The following ARHGAP42 variants were observed in gnomAD, a reference collection of about 807,000 sequenced individuals.
ARHGAP42 encodes the protein Rho GTPase activating protein 42, also known as rho GTPase-activating protein 42.
In ARHGAP42, 63 loss-of-function variants were observed where a neutral mutation model predicts 125.0. The ratio of observed to expected loss-of-function variants is 0.50; its 90% confidence interval spans 0.41 to 0.62. ARHGAP42 has a LOEUF of 0.62. Ranked by LOEUF, ARHGAP42 falls within the 20% of genes least tolerant of loss-of-function variation. The probability of loss-of-function intolerance (pLI) is 0.00; values close to 1 mark genes in which losing one functional copy is unlikely to be tolerated. For missense variants in ARHGAP42, 766 were observed against 1,024.2 expected, an observed-to-expected ratio of 0.75 and a Z score of 3.44; for synonymous variants, 339 against 351.0, an observed-to-expected ratio of 0.97 and a Z score of 0.38.
Position 100,976,965 on chromosome 11 carries a change from G to C in ARHGAP42, c.2387G>C (p.Gly796Ala), listed in dbSNP as rs1468758903. Residue 796 changes from glycine (G) to alanine (A), a missense_variant, in exon 21 of 24, where the codon GGC becomes GCC. By Grantham distance (60) the Gly-to-Ala change is moderately conservative. Coordinates refer to ENST00000298815, the MANE Select transcript of ARHGAP42 (RefSeq NM_152432.4). ...TCAAGCAATGGCTATCAGCGGCCTG[G>C]CTCAGTGTAAGTGAGCGTTTGTATA... Reference protein sequence around the residue: ...TASSNGYQRPGSVVAAKAQLF... With the variant: ...TASSNGYQRPASVVAAKAQLF... 11 of 1,551,176 alleles carry C rather than the reference G, an allele frequency of 7.1e-6. No homozygotes were observed. Among genetic ancestry groups the C allele is most frequent in the Non-Finnish European group, 7.0e-6 (8 of 1,146,770 alleles).
At chr11:100,822,751 C>T (rs192551074) in intron 3 of ARHGAP42, among the ~76,000 whole-genome samples, 1 of 151,910 alleles carries the variant, frequency 6.6e-6, no homozygotes, top group Non-Finnish European at 1.5e-5. Flanking sequence ...ACCCTTTTTT[C>T]CCACAGAGTG....
chr11:100,953,815 C>T (rs1038950800), intron 12 of ARHGAP42, among the ~76,000 whole-genome samples: 2 of 17,222 alleles, frequency 1.2e-4, no homozygotes, highest in African/African-American at 4.9e-4. Context: ...CTGCAATATC[C>T]ATGAAATTGT....
At chr11:100,973,675 G>A (rs141630006) in intron 18 of ARHGAP42, among the ~76,000 whole-genome samples, 2 of 152,030 alleles carry the variant, frequency 1.3e-5, no homozygotes, top group Non-Finnish European at 2.9e-5. Context: ...TAGAGGTAAT[G>A]TTCTAACTAA....
At chr11:100,848,348 C>A (rs142175804) in intron 3 of ARHGAP42, among the ~76,000 whole-genome samples, 1 of 152,098 alleles carries the variant, frequency 6.6e-6, no homozygotes, top group Non-Finnish European at 1.5e-5. Context: ...CAGAAAGTTA[C>A]AAACCGGATG....
In ARHGAP42 at chr11:100,731,843, T is replaced by C. The variant is rs367946768; in HGVS notation, c.155-38500T>C. On this transcript the variant is annotated intron_variant, in intron 1 of 23. Transcript: ENST00000298815. ...CAAAAGTAGCTTTCACACAGAGCCC[T>C]TCCCTCACCATCTCAAAGAAAGTTG... 7.2e-5 allele frequency among the ~76,000 whole-genome samples: 11 copies of C among 152,220 alleles called. No individual in the cohort carries two copies. The East Asian group carries it at 1.5e-3, about 21-fold the overall frequency.
At chr11:100,969,914 A>G (rs565908476) in intron 17 of ARHGAP42, among the ~76,000 whole-genome samples, 16 of 152,100 alleles carry the variant, frequency 1.1e-4, no homozygotes, top group African/African-American at 3.6e-4. Context: ...CATTTTAGCT[A>G]CTGTTTTGTA....
chr11:100,801,839 T>C (rs750436365), intron 3 of ARHGAP42, among the ~76,000 whole-genome samples: 3 of 152,254 alleles, frequency 2.0e-5, no homozygotes, highest in Non-Finnish European at 4.4e-5. Flanking sequence ...GAGATCAGCA[T>C]TTTAATGGCA....
At chr11:100,867,193 A>C (rs950677541) in intron 4 of ARHGAP42, among the ~76,000 whole-genome samples, 1 of 152,232 alleles carries the variant, frequency 6.6e-6, no homozygotes, top group Non-Finnish European at 1.5e-5. Flanking sequence ...TTCAACTTAA[A>C]GTCACCAGCT....
chr11:100,918,209 T>C (rs1001509677), intron 5 of ARHGAP42, among the ~76,000 whole-genome samples: 2 of 152,200 alleles, frequency 1.3e-5, no homozygotes, highest in African/African-American at 4.8e-5. Context: ...CCTTTTGTCC[T>C]ACCTAAGCAT....
intron 4 of ARHGAP42, among the ~76,000 whole-genome samples, chr11:100,873,402 A>T (rs1865739932): frequency 6.6e-6 from 1 of 152,164 alleles, no homozygotes. Context: ...TAGTTCATTT[A>T]AAAAAATGCT....
intron 2 of ARHGAP42, among the ~76,000 whole-genome samples, chr11:100,786,092 C>T (rs547356828): frequency 4.6e-5 from 7 of 152,244 alleles, no homozygotes; most frequent in African/African-American, 1.7e-4. Flanking sequence ...TGTAATGTCA[C>T]TGCCTCTTGG....
At chr11:100,957,682 GGA>G (rs1472026702) in intron 12 of ARHGAP42, among the ~76,000 whole-genome samples, 1 of 152,050 alleles carries the variant, frequency 6.6e-6, no homozygotes, top group Non-Finnish European at 1.5e-5. Context: ...TCACATGACG[GGA>G]GCTAAGTACA....
At chr11:100,733,629 G>A (rs1861999888) in intron 1 of ARHGAP42, among the ~76,000 whole-genome samples, 1 of 151,880 alleles carries the variant, frequency 6.6e-6, no homozygotes, top group Admixed American at 6.6e-5. Flanking sequence ...TTTGAGACAA[G>A]CCTGGCCAAC....
At chr11:100,797,362 T>C (rs1205618112) in intron 3 of ARHGAP42, among the ~76,000 whole-genome samples, 1 of 152,146 alleles carries the variant, frequency 6.6e-6, no homozygotes, top group Non-Finnish European at 1.5e-5. Flanking sequence ...AAAAGAAAAG[T>C]AGTCAGTGTC....
chr11:100,807,067 C>T (rs1446628995), intron 3 of ARHGAP42, among the ~76,000 whole-genome samples: 4 of 151,994 alleles, frequency 2.6e-5, no homozygotes, highest in Admixed American at 6.5e-5. Context: ...AGGCTGGTCT[C>T]GAACTCCTGA....
chr11:100,956,103 G>A (rs1359555813), intron 12 of ARHGAP42, among the ~76,000 whole-genome samples: 1 of 152,118 alleles, frequency 6.6e-6, no homozygotes, highest in Non-Finnish European at 1.5e-5. Flanking sequence ...TGTTTGCAAA[G>A]CAACCATCAA....
intron 2 of ARHGAP42, among the ~76,000 whole-genome samples, chr11:100,777,115 C>A (rs779001052): frequency 1.3e-5 from 2 of 152,060 alleles, no homozygotes; most frequent in African/African-American, 4.8e-5. Flanking sequence ...GTTTTGTGTA[C>A]AGCATTGGCT....
intron 4 of ARHGAP42, among the ~76,000 whole-genome samples, chr11:100,899,727 T>G (rs12577050): frequency 0.65 from 78,221 of 120,854 alleles, 23,699 homozygotes; most frequent in African/African-American, 0.73. Context: ...GTTTTGTTTT[T>G]TTTTTTGTTT....
chr11:100,946,606 G>A (rs1429041680), intron 10 of ARHGAP42, among the ~76,000 whole-genome samples: 1 of 152,030 alleles, frequency 6.6e-6, no homozygotes, highest in East Asian at 1.9e-4. Flanking sequence ...AAGCTAAGGG[G>A]AGGGAAAGAG....
Sources: gnomAD v4.1 joint callset for allele counts (sites outside exome capture counted in the v4.1 genomes callset) on GRCh38, gnomAD v4.1.1 for gene constraint, MANE v1.5 for transcripts, NCBI Gene and HGNC (gene_info 2026-07-23, HGNC 2026-07-21) for gene names.